Variants in ARHGAP6 observed in about 807,000 individuals in gnomAD.
ARHGAP6 encodes the protein rho GTPase-activating protein 6.
In ARHGAP6, 16 loss-of-function variants were observed where a neutral mutation model predicts 55.7. The ratio of observed to expected loss-of-function variants is 0.29; its 90% confidence interval spans 0.19 to 0.44. The LOEUF (loss-of-function observed/expected upper bound fraction) is 0.44. Ranked by LOEUF, ARHGAP6 falls within the 20% of genes least tolerant of loss-of-function variation. ARHGAP6 has a pLI of 1.00. For synonymous variants in ARHGAP6, 382 were observed against 360.9 expected (o/e 1.06, Z -0.66); for missense variants, 698 against 808.9 (o/e 0.86, Z 1.66).
chrX:11,567,568 T>A lies in ARHGAP6; in HGVS notation c.588+96673A>T, dbSNP rs1251766774. On this transcript the variant is annotated intron_variant, in intron 1 of 12. Coordinates refer to ENST00000337414, the MANE Select transcript of ARHGAP6 (RefSeq NM_013427.3). Reference sequence around the variant, plus strand: ...GACTCCATCTCAAAAAAAAAAAAAATATATATATATATTTGCCTCAGAGTT... The same window carrying A: ...GACTCCATCTCAAAAAAAAAAAAAAAATATATATATATTTGCCTCAGAGTT... Among the ~76,000 whole-genome samples, 397 of 78,591 alleles carry A rather than the reference T, an allele frequency of 5.1e-3. 1 individual carries two copies. Among genetic ancestry groups the A allele is most frequent in the African/African-American group, 0.016 (302 of 19,149 alleles). The allele number at this position is 78,591 out of a possible 115,157, so 68.2% of individuals were successfully genotyped here.
chrX:11,407,503 G>GAT (rs1447562170), intron 1 of ARHGAP6, among the ~76,000 whole-genome samples: 1 of 112,045 alleles, frequency 8.9e-6, no homozygotes, highest in Non-Finnish European at 1.9e-5. Context: ...CTCTTGGGTA[G>GAT]ATAACTAGGA....
intron 1 of ARHGAP6, among the ~76,000 whole-genome samples, chrX:11,581,149 T>G (rs753918995): frequency 1.8e-5 from 2 of 112,522 alleles, no homozygotes; most frequent in Non-Finnish European, 3.8e-5. Flanking sequence ...CCAAAGAAGA[T>G]GTACAAATGG....
In ARHGAP6 at chrX:11,590,431, A is replaced by G. The variant is rs1314655891; in HGVS notation, c.588+73810T>C. Among the ~76,000 whole-genome samples the G allele has an allele frequency of 1.0e-4, 10 of 99,882 alleles. No homozygotes were observed. The Admixed American group carries it at 1.1e-3, about 11-fold the overall frequency. The allele number at this position is 99,882 out of a possible 115,157, so 86.7% of individuals were successfully genotyped here. A position where few individuals can be genotyped will look rare whatever the true frequency, so the allele number is the denominator to read the frequency against. On this transcript the variant is annotated intron_variant, in intron 1 of 12. Coordinates refer to ENST00000337414, the MANE Select transcript of ARHGAP6 (RefSeq NM_013427.3). ...TATCAAACACAATGCCTGGCATAAT[A>G]CTTTTAAAAATTGTTGAATTATTAA...
chrX:11,585,510 T>G (rs2051722565), intron 1 of ARHGAP6, among the ~76,000 whole-genome samples: 1 of 112,623 alleles, frequency 8.9e-6, no homozygotes, highest in South Asian at 3.6e-4. Context: ...GGTTTTGATT[T>G]GCATTTCTCT....
rs1041952150 is a variant in ARHGAP6, at chrX:11,420,795, A to G, written c.589-166088T>C. ...ATACAGATGCAGATCCCACATCCAC[A>G]CACCAAGGCTGCTGAGCACTCCACA... On this transcript the variant is annotated intron_variant, in intron 1 of 12. Coordinates refer to ENST00000337414, the MANE Select transcript of ARHGAP6 (RefSeq NM_013427.3). Among the ~76,000 whole-genome samples, 5 of 111,517 alleles carry G rather than the reference A, an allele frequency of 4.5e-5. No homozygotes were observed. In the East Asian group the frequency reaches 1.1e-3, roughly 25 times the overall value.
chrX:11,485,335 G>A (rs1024699672), intron 1 of ARHGAP6, among the ~76,000 whole-genome samples: 1 of 107,822 alleles, frequency 9.3e-6, no homozygotes, highest in African/African-American at 3.5e-5. Flanking sequence ...AAGAGAAGAG[G>A]GAGGGAGAAG....
intron 1 of ARHGAP6, among the ~76,000 whole-genome samples, chrX:11,311,461 G>C (rs1364953764): frequency 8.9e-6 from 1 of 111,863 alleles, no homozygotes; most frequent in Non-Finnish European, 1.9e-5. Flanking sequence ...AGTGCATTCT[G>C]CTAACAGGAC....
At chrX:11,249,936 T>G (rs1279000954) in intron 2 of ARHGAP6, among the ~76,000 whole-genome samples, 2 of 112,036 alleles carry the variant, frequency 1.8e-5, no homozygotes, top group Admixed American at 1.9e-4. Context: ...TATAGTTTCA[T>G]TTTTTAATCT....
At chrX:11,647,697 T>C (rs1357991924) in intron 1 of ARHGAP6, among the ~76,000 whole-genome samples, 2 of 111,924 alleles carry the variant, frequency 1.8e-5, no homozygotes, top group African/African-American at 6.5e-5. Context: ...TGTGGGCTGA[T>C]TGGGTGAAAA....
intron 1 of ARHGAP6, among the ~76,000 whole-genome samples, chrX:11,437,079 G>A (rs781284870): frequency 4.2e-4 from 46 of 110,695 alleles, no homozygotes; most frequent in Non-Finnish European, 8.1e-4. Context: ...AAGGAAGGAA[G>A]AAAGGGAGGG....
chrX:11,220,699 C>T (rs1409628352), intron 2 of ARHGAP6, among the ~76,000 whole-genome samples: 3 of 110,318 alleles, frequency 2.7e-5, no homozygotes, highest in Non-Finnish European at 3.8e-5. Flanking sequence ...TAAAGACCAT[C>T]GAGACTAGGA....
rs201687070 is a variant in ARHGAP6 at position 11,660,885 on chromosome X, GCA to G, written c.588+3354_588+3355del. ...GTGAAGCCTTTCAAGGCCCCCCAAA[GCA>G]CAGTGAATCATCACCCGCCCCTCTC... On this transcript the variant is annotated intron_variant, in intron 1 of 12. Transcript: ENST00000337414. Among the ~76,000 whole-genome samples, 758 of 111,074 alleles carry G rather than the reference GCA, an allele frequency of 6.8e-3. 5 individuals carry two copies. Among genetic ancestry groups the G allele is most frequent in the African/African-American group, 0.024 (727 of 30,511 alleles).
chrX:11,315,784 G>A (rs1387538489), intron 1 of ARHGAP6, among the ~76,000 whole-genome samples: 1 of 111,914 alleles, frequency 8.9e-6, no homozygotes, highest in African/African-American at 3.2e-5. Context: ...AATTCACCAT[G>A]GCTCTGTTCT....
chrX:11,636,672 G>T (rs181662585), intron 1 of ARHGAP6, among the ~76,000 whole-genome samples: 48 of 111,727 alleles, frequency 4.3e-4, no homozygotes, highest in Admixed American at 2.4e-3. Flanking sequence ...AGAGTGTAAG[G>T]CTCACAGAAT....
At chrX:11,643,708 G>C (rs2052498667) in intron 1 of ARHGAP6, among the ~76,000 whole-genome samples, 1 of 111,231 alleles carries the variant, frequency 9.0e-6, no homozygotes, top group African/African-American at 3.3e-5. Flanking sequence ...CCAATCCCTT[G>C]AATTTGGGCT....
rs7050587 is a variant in ARHGAP6, at chrX:11,228,782, A to G, written c.748+25766T>C. 5.6e-3 allele frequency among the ~76,000 whole-genome samples: 630 copies of G among 112,192 alleles called. 9 individuals are homozygous for G. Among genetic ancestry groups the G allele is most frequent in the African/African-American group, 0.019 (599 of 30,975 alleles). ...TGTCTCTTTAACCACTGTTATTCTG[A>G]TGGCTGATGAAAAAACTTGAACCTA... is the stretch of plus-strand genomic sequence containing the variant. On this transcript the variant is annotated intron_variant, in intron 2 of 12. Coordinates refer to ENST00000337414, the MANE Select transcript of ARHGAP6 (RefSeq NM_013427.3).
At chrX:11,601,282 G>C (rs2051968227) in intron 1 of ARHGAP6, among the ~76,000 whole-genome samples, 1 of 111,531 alleles carries the variant, frequency 9.0e-6, no homozygotes, top group Non-Finnish European at 1.9e-5. Flanking sequence ...AGGCCTAGTA[G>C]GTGGCAGGCT....
At chrX:11,372,378 C>G (rs2049152227) in intron 1 of ARHGAP6, among the ~76,000 whole-genome samples, 2 of 111,876 alleles carry the variant, frequency 1.8e-5, no homozygotes, top group South Asian at 7.4e-4. Flanking sequence ...TAAATATATA[C>G]CAAGTGAATA....
chrX:11,167,537 A>C (rs958374613), intron 9 of ARHGAP6, among the ~76,000 whole-genome samples: 5 of 112,128 alleles, frequency 4.5e-5, no homozygotes, highest in Non-Finnish European at 9.4e-5. Flanking sequence ...TACTGTTCTT[A>C]GTAATTCAGG....
Sources: gnomAD v4.1 joint callset for allele counts (sites outside exome capture counted in the v4.1 genomes callset) on GRCh38, gnomAD v4.1.1 for gene constraint, MANE v1.5 for transcripts, NCBI Gene and HGNC (gene_info 2026-07-23, HGNC 2026-07-21) for gene names.